PPARGC1A: variants seen among roughly 807,000 people sequenced by gnomAD.
The protein encoded by PPARGC1A is peroxisome proliferator-activated receptor gamma coactivator 1-alpha.
A neutral mutation model predicts 88.7 loss-of-function variants in PPARGC1A; 25 were observed. That is an observed-to-expected ratio of 0.28 (90% CI 0.21 to 0.39). The LOEUF (loss-of-function observed/expected upper bound fraction) is 0.39, where lower values mean the gene tolerates loss of function less well. Ranked by LOEUF, PPARGC1A falls within the 10% of genes least tolerant of loss-of-function variation. PPARGC1A has a pLI of 1.00. For missense variants in PPARGC1A, 880 were observed against 968.7 expected (o/e 0.91, Z 1.22); for synonymous variants, 363 against 355.6 (o/e 1.02, Z -0.24).
At chr4:24,375,013 TAA>T in the PPARGC1A span, among the ~76,000 whole-genome samples, 25 of 127,378 alleles carry the variant, frequency 2.0e-4, no homozygotes, top group Admixed American at 2.4e-4. Flanking sequence ...CCCCCCACCC[TAA>T]AAAAAAAAAA....
At chr4:24,283,243 C>T in the PPARGC1A span, among the ~76,000 whole-genome samples, 1 of 152,110 alleles carries the variant, frequency 6.6e-6, no homozygotes, top group Non-Finnish European at 1.5e-5. Flanking sequence ...TACTTTTCCA[C>T]CCTATCCATG....
the PPARGC1A span, among the ~76,000 whole-genome samples, chr4:24,035,161 AG>A: frequency 6.6e-6 from 1 of 152,236 alleles, no homozygotes; most frequent in Non-Finnish European, 1.5e-5. Context: ...GGCAGTCCAT[AG>A]GCATGTAATA....
At chr4:23,957,464 G>A in the PPARGC1A span, among the ~76,000 whole-genome samples, 1 of 152,092 alleles carries the variant, frequency 6.6e-6, no homozygotes, top group African/African-American at 2.4e-5. Flanking sequence ...TGAATGGATA[G>A]GCAATCGATT....
intron 12 of PPARGC1A, among the ~76,000 whole-genome samples, chr4:23,799,385 A>G (rs1296394677): frequency 6.6e-6 from 1 of 152,194 alleles, no homozygotes; most frequent in Non-Finnish European, 1.5e-5. Context: ...TAGCATCACA[A>G]ACATTTATTT....
chr4:24,312,300 G>A, the PPARGC1A span, among the ~76,000 whole-genome samples: 65 of 152,074 alleles, frequency 4.3e-4, no homozygotes, highest in East Asian at 0.012. Flanking sequence ...GTCACCAAAC[G>A]CACTTGTGGC....
At chr4:24,245,686 G>A in the PPARGC1A span, among the ~76,000 whole-genome samples, 1 of 152,130 alleles carries the variant, frequency 6.6e-6, no homozygotes, top group Non-Finnish European at 1.5e-5. Context: ...AAAAGGTTTG[G>A]ACCAAGTCAA....
the PPARGC1A span, among the ~76,000 whole-genome samples, chr4:24,018,768 CT>C: frequency 0.95 from 143,211 of 151,468 alleles, 67,773 homozygotes; most frequent in African/African-American, 0.98. Flanking sequence ...CACTTTCACT[CT>C]TTTTTTTTTC....
At chr4:24,358,260 G>T in the PPARGC1A span, among the ~76,000 whole-genome samples, 10 of 152,194 alleles carry the variant, frequency 6.6e-5, no homozygotes, top group African/African-American at 1.4e-4. Context: ...AATAGTGCTT[G>T]CATGTGCCAG....
chr4:23,910,255 TATATATATTAATATATATTAACC>T, the PPARGC1A span, among the ~76,000 whole-genome samples: 3 of 80,902 alleles, frequency 3.7e-5, no homozygotes, highest in African/African-American at 1.2e-4. Context: ...AAATATATAT[TATATATATTAATATATATTAACC>T]CTATATATTA....
the PPARGC1A span, among the ~76,000 whole-genome samples, chr4:24,361,217 A>C: frequency 0.35 from 52,804 of 151,916 alleles, 9,274 homozygotes; most frequent in South Asian, 0.4. Flanking sequence ...TTAGTAGGAG[A>C]CAGATCTCAA....
the PPARGC1A span, among the ~76,000 whole-genome samples, chr4:24,280,945 G>C: frequency 6.6e-6 from 1 of 152,206 alleles, no homozygotes; most frequent in African/African-American, 2.4e-5. Context: ...ATATACAACT[G>C]AATCAACCAA....
chr4:23,918,440 T>C, the PPARGC1A span, among the ~76,000 whole-genome samples: 2 of 152,256 alleles, frequency 1.3e-5, no homozygotes, highest in African/African-American at 4.8e-5. Context: ...CAAGCTGGTC[T>C]TGAATGCCTG....
chr4:24,232,363 A>T, the PPARGC1A span, among the ~76,000 whole-genome samples: 139,532 of 152,252 alleles, frequency 0.92, 65,141 homozygotes, highest in East Asian at 1. Context: ...CTTAAACTCC[A>T]CTGTCACCGC....
chr4:24,429,411 C>A, the PPARGC1A span, among the ~76,000 whole-genome samples: 40 of 152,166 alleles, frequency 2.6e-4, no homozygotes, highest in African/African-American at 9.4e-4. Context: ...ATGAGGGAGA[C>A]AAAGGCATAT....
the PPARGC1A span, among the ~76,000 whole-genome samples, chr4:24,424,106 A>T: frequency 2.0e-5 from 3 of 152,096 alleles, no homozygotes; most frequent in Non-Finnish European, 4.4e-5. Context: ...AAAATATTCT[A>T]AAAAATGTTT....
the PPARGC1A span, among the ~76,000 whole-genome samples, chr4:24,105,860 C>T: frequency 9.2e-5 from 14 of 152,136 alleles, no homozygotes; most frequent in African/African-American, 3.4e-4. Context: ...CCCCAGCTCA[C>T]GAAGTTCCAG....
chr4:23,990,387 C>G, the PPARGC1A span, among the ~76,000 whole-genome samples: 1 of 151,802 alleles, frequency 6.6e-6, no homozygotes, highest in Non-Finnish European at 1.5e-5. Context: ...TTACACAGCA[C>G]CACCTTATCA....
chr4:24,331,389 G>A, the PPARGC1A span, among the ~76,000 whole-genome samples: 5 of 152,132 alleles, frequency 3.3e-5, no homozygotes, highest in Admixed American at 1.3e-4. Flanking sequence ...AAGGAGCCAC[G>A]CCTCCCCACC....
At chr4:23,963,908 C>T in the PPARGC1A span, among the ~76,000 whole-genome samples, 1 of 152,126 alleles carries the variant, frequency 6.6e-6, no homozygotes, top group Non-Finnish European at 1.5e-5. Flanking sequence ...TCAAATGAGT[C>T]TTCCTGATAA....
Sources: allele counts gnomAD v4.1 joint callset (sites outside exome capture counted in the v4.1 genomes callset), GRCh38; gene constraint gnomAD v4.1.1; transcripts MANE v1.5; gene names NCBI Gene and HGNC (gene_info 2026-07-23, HGNC 2026-07-21).